TMC3: variants seen among roughly 807,000 people sequenced by gnomAD.
TMC3 encodes the protein transmembrane channel like 3.
A neutral mutation model predicts 110.6 loss-of-function variants in TMC3; 98 were observed. That is an observed-to-expected ratio of 0.89 (90% confidence interval 0.75 to 1.05). TMC3 has a LOEUF of 1.05. Among genes scored for constraint, TMC3 ranks in the 50% least tolerant of loss-of-function variants. The probability of loss-of-function intolerance (pLI) is 0.00; values close to 1 mark genes in which losing one functional copy is unlikely to be tolerated. For missense variants in TMC3, 1,319 were observed against 1,373.2 expected, an observed-to-expected ratio of 0.96 and a Z score of 0.62; for synonymous variants, 489 against 513.1, an observed-to-expected ratio of 0.95 and a Z score of 0.63.
At chr15:81,364,993 A>G (rs903174872) in intron 3 of TMC3, among the ~76,000 whole-genome samples, 15 of 152,100 alleles carry the variant, frequency 9.9e-5, no homozygotes, top group African/African-American at 3.6e-4. Flanking sequence ...AATGTTTCTC[A>G]TGATTATAAA....
At chr15:81,337,040 T>TC (rs140391698) in intron 19 of TMC3, among the ~76,000 whole-genome samples, 2,106 of 152,162 alleles carry the variant, frequency 0.014, 66 homozygotes, top group African/African-American at 0.048. Context: ...AATTTGTGTT[T>TC]CTTTGCATGA....
intron 21 of TMC3, 51 bp downstream of exon 21, chr15:81,334,669 T>C: frequency 6.4e-7 from 1 of 1,572,960 alleles, no homozygotes; most frequent in African/African-American, 1.4e-5. Context: ...TGCAGAGGCC[T>C]TCAAATCTCT....
chr15:81,342,487 A>G (rs1316536282), intron 15 of TMC3, among the ~76,000 whole-genome samples: 1 of 152,248 alleles, frequency 6.6e-6, no homozygotes, highest in East Asian at 1.9e-4. Flanking sequence ...AGTACTTGAT[A>G]TCTAGCACTA....
chr15:81,346,468 GAAACAA>G, intron 11 of TMC3, 25 bp from the exon 12 acceptor site: 1 of 1,609,324 alleles, frequency 6.2e-7, no homozygotes, highest in Non-Finnish European at 8.5e-7. Flanking sequence ...CCCACCTTGA[GAAACAA>G]GACCATGGCA....
In TMC3 at chr15:81,344,059, C is replaced by T. The variant is rs369078258; in HGVS notation, c.1519-14G>A. On this transcript the variant is annotated splice_polypyrimidine_tract_variant and intron_variant, in intron 13 of 21. Transcript: ENST00000359440. ...CTTCAGCATCTCCTGAAACACAGGGCGTCCCTGGATGCCACCATGCCCCAC... is the reference window on the plus strand; with the variant it reads ...CTTCAGCATCTCCTGAAACACAGGGTGTCCCTGGATGCCACCATGCCCCAC... 3.4e-4 allele frequency: 539 copies of T among 1,601,368 alleles called. No homozygotes were observed. The highest frequency in any genetic ancestry group is 1.1e-3 in the Admixed American group (67 of 59,788).
In TMC3 at chr15:81,345,967, C is replaced by T. The variant is rs867582434; in HGVS notation, c.1272+398G>A. ...GCTGGGATAGTAAGTCCCCTCTGAACTGTTCCCCATGAAATGATTATTCTG... is the reference window on the plus strand; with the variant it reads ...GCTGGGATAGTAAGTCCCCTCTGAATTGTTCCCCATGAAATGATTATTCTG... On this transcript the variant is annotated intron_variant, in intron 12 of 21. Coordinates refer to ENST00000359440, the MANE Select transcript of TMC3 (RefSeq NM_001080532.3). 1.1e-3 allele frequency among the ~76,000 whole-genome samples: 173 copies of T among 152,284 alleles called. 3 individuals are homozygous for T. The highest frequency in any genetic ancestry group is 0.01 in the Middle Eastern group (3 of 294).
At chr15:81,372,499 A>G (rs984230064) in intron 2 of TMC3, 92 bp downstream of exon 2, 2 of 1,512,832 alleles carry the variant, frequency 1.3e-6, no homozygotes, top group Non-Finnish European at 1.8e-6. Context: ...TCTCTCTCAC[A>G]TGAGTCTTTA....
intron 20 of TMC3, among the ~76,000 whole-genome samples, chr15:81,336,270 T>A (rs552593943): frequency 1.3e-5 from 2 of 151,986 alleles, no homozygotes; most frequent in African/African-American, 2.4e-5. Flanking sequence ...TCTCTGCATT[T>A]AAAAAAAATA....
chr15:81,354,773 T>C (rs568466969), intron 9 of TMC3, among the ~76,000 whole-genome samples: 2 of 152,216 alleles, frequency 1.3e-5, no homozygotes, highest in Non-Finnish European at 2.9e-5. Flanking sequence ...TACACATGTT[T>C]TGGCCCTTGA....
At chr15:81,372,392 AC>A (rs1894456077) in intron 2 of TMC3, among the ~76,000 whole-genome samples, 198 bp downstream of exon 2, 1 of 147,054 alleles carries the variant, frequency 6.8e-6, no homozygotes, top group Admixed American at 6.6e-5. Flanking sequence ...ACACACACAC[AC>A]ACACACACAC....
intron 21 of TMC3, among the ~76,000 whole-genome samples, chr15:81,333,718 GTGGTTCACATT>G (rs1169293594): frequency 6.6e-6 from 1 of 152,164 alleles, no homozygotes; most frequent in African/African-American, 2.4e-5. Context: ...GCCAGGTACG[GTGGTTCACATT>G]TGTAATCCCA....
At chr15:81,341,364 C>T (rs1446410605) in intron 16 of TMC3, 26 bp downstream of exon 16, 1 of 1,595,582 alleles carries the variant, frequency 6.3e-7, no homozygotes, top group Non-Finnish European at 8.5e-7. Flanking sequence ...TAGTTATCTG[C>T]ATGATCAGAT....
At position 81,362,236 on chromosome 15, in the gene TMC3, C is replaced by G; in HGVS notation, c.378G>C (p.Arg126Ser). 6.2e-7 allele frequency: 1 copy of G among 1,610,774 alleles called. No homozygotes were observed. The highest frequency in any genetic ancestry group is 1.7e-4 in the Middle Eastern group (1 of 6,052). Residue 126 changes from arginine to serine, a missense_variant, in exon 4 of 22, where the codon AGG becomes AGC. Transcript: ENST00000359440. ...AATACTTACTCTCGATTTTCTTTAT[C>G]CTCATTTCCCAGGGAATGAAGATGA... ...FVVIFIPWEM[R>S]IKKIESHFGS...
rs1355069451 is a variant in TMC3, at chr15:81,343,300, C to G, written c.1693G>C (p.Val565Leu). Residue 565 changes from valine (V) to leucine (L), a missense_variant, in exon 15 of 22, where the codon GTC becomes CTC. By Grantham distance (32) the Val-to-Leu change is conservative. Coordinates refer to ENST00000359440, the MANE Select transcript of TMC3 (RefSeq NM_001080532.3). Reference sequence around the variant, plus strand: ...TACCAAATCATTCCTTGGTTGTAGACTAAATGTAGCACATTCTCAGCTATT... The same window carrying G: ...TACCAAATCATTCCTTGGTTGTAGAGTAAATGTAGCACATTCTCAGCTATT... ...FKIAENVLHL[V>L]YNQGMIWMGA... 3 of 1,610,236 alleles carry G rather than the reference C, an allele frequency of 1.9e-6. No homozygotes were observed. The highest frequency in any genetic ancestry group is 2.5e-6 in the Non-Finnish European group (3 of 1,176,474).
Position 81,364,682 on chromosome 15 carries a change from T to TAA in TMC3, c.313-2383_313-2382dup, listed in dbSNP as rs35537034. On this transcript the variant is annotated intron_variant, in intron 3 of 21. Transcript: ENST00000359440. ...ATGTACCCTAAAACTTAAAGTATAA[T>TAA]AAAAAAAAACATTATTCCAAAAAAA... 6.5e-4 allele frequency among the ~76,000 whole-genome samples: 62 copies of TAA among 95,096 alleles called. 1 individual carries two copies. The highest frequency in any genetic ancestry group is 5.2e-3 in the East Asian group (23 of 4,446). 62.4% of individuals were successfully genotyped at this position (95,096 alleles called of 152,430 possible). A position where few individuals can be genotyped will look rare whatever the true frequency, so the allele number is the denominator to read the frequency against.
chr15:81,333,967 G>A (rs1024331072), intron 21 of TMC3, among the ~76,000 whole-genome samples: 1 of 151,584 alleles, frequency 6.6e-6, no homozygotes, highest in Non-Finnish European at 1.5e-5. Flanking sequence ...TCCAGCCTGG[G>A]TGACAAGAGC....
In TMC3 at chr15:81,337,953, T is replaced by C. The variant is rs753171619; in HGVS notation, c.2082-29A>G. On this transcript the variant is annotated intron_variant, in intron 18 of 21. Transcript: ENST00000359440. Reference sequence around the variant, plus strand: ...GGACAGAACAACACAGGACAATGAGTGGACTGCAACTCGCTTTTCTGCTTT... The same window carrying C: ...GGACAGAACAACACAGGACAATGAGCGGACTGCAACTCGCTTTTCTGCTTT... 16 of 1,569,260 alleles carry C rather than the reference T, an allele frequency of 1.0e-5. 1 individual carries two copies. The Admixed American group carries it at 2.3e-4, about 23-fold the overall frequency.
intron 10 of TMC3, among the ~76,000 whole-genome samples, chr15:81,350,413 A>G (rs1567065145): frequency 1.4e-5 from 2 of 147,612 alleles, no homozygotes; most frequent in Admixed American, 6.6e-5. Context: ...TTAATTATCT[A>G]GAGAATTAGG....
intron 17 of TMC3, among the ~76,000 whole-genome samples, 191 bp from the exon 18 acceptor site, chr15:81,338,971 G>A (rs1370052858): frequency 6.6e-6 from 1 of 152,180 alleles, no homozygotes; most frequent in Non-Finnish European, 1.5e-5. Flanking sequence ...TTCTAATCGT[G>A]TACACTAAGG....
Sources: gnomAD v4.1 joint callset for allele counts (sites outside exome capture counted in the v4.1 genomes callset) on GRCh38, gnomAD v4.1.1 for gene constraint, MANE v1.5 for transcripts, NCBI Gene and HGNC (gene_info 2026-07-23, HGNC 2026-07-21) for gene names.